The following SORT1 variants were observed in gnomAD, a reference collection of about 807,000 sequenced individuals.
SORT1 encodes the protein sortilin 1.
In SORT1, 39 loss-of-function variants were observed where a neutral mutation model predicts 101.7. The observed-to-expected ratio is 0.38, with a 90% confidence interval of 0.30 to 0.50. The LOEUF (loss-of-function observed/expected upper bound fraction) is 0.50. SORT1 is among the 20% of genes least tolerant of loss of function. The pLI is 0.90. For synonymous variants in SORT1, 396 were observed against 393.7 expected (o/e 1.01, Z -0.07); for missense variants, 878 against 1,040.4 (o/e 0.84, Z 2.15).
intron 15 of SORT1, among the ~76,000 whole-genome samples, chr1:109,322,290 T>C (rs940488523): frequency 6.6e-6 from 1 of 152,268 alleles, no homozygotes; most frequent in Admixed American, 6.5e-5. Context: ...CCACTTCTTT[T>C]GGTGTTTCTG....
chr1:109,378,698 TGATATATATATATATATA>T (rs1383159794), intron 1 of SORT1, among the ~76,000 whole-genome samples: 28 of 62,166 alleles, frequency 4.5e-4, no homozygotes, highest in African/African-American at 1.7e-3. Flanking sequence ...GTAGAGTGAA[TGATATATATATATATATA>T]TATATATATA....
chr1:109,391,685 A>G (rs377056569), intron 1 of SORT1, among the ~76,000 whole-genome samples: 3 of 152,186 alleles, frequency 2.0e-5, no homozygotes, highest in South Asian at 2.1e-4. Context: ...CATTCATTCA[A>G]CCAAACTATC....
intron 8 of SORT1, among the ~76,000 whole-genome samples, chr1:109,345,294 C>T (rs981093633): frequency 3.3e-5 from 5 of 152,128 alleles, no homozygotes; most frequent in Admixed American, 6.5e-5. Flanking sequence ...GCGGGGGGAT[C>T]ACCTGAGCTC....
chr1:109,321,153 G>A (rs181391655), intron 15 of SORT1, among the ~76,000 whole-genome samples: 7 of 152,064 alleles, frequency 4.6e-5, no homozygotes, highest in Admixed American at 1.3e-4. Context: ...TATTATTATC[G>A]AATAGAATAT....
rs762685151 is a variant in SORT1 at position 109,336,224 on chromosome 1, A to C, written c.1371+16T>G. ...GGAAAGGCTGCTGTGCTCTGCACAC[A>C]TTAGAGTAAACAAACCTCATTCTTG... On this transcript the variant is annotated intron_variant, in intron 11 of 19. Transcript: ENST00000256637. 2.0e-6 allele frequency: 3 copies of C among 1,519,678 alleles called. No homozygotes were observed. Among genetic ancestry groups the C allele is most frequent in the Non-Finnish European group, 2.7e-6 (3 of 1,093,530 alleles). 94.1% of individuals were successfully genotyped at this position (1,519,678 alleles called of 1,614,324 possible).
chr1:109,363,831 T>G (rs749049784), intron 3 of SORT1, among the ~76,000 whole-genome samples: 1 of 152,232 alleles, frequency 6.6e-6, no homozygotes, highest in African/African-American at 2.4e-5. Flanking sequence ...TTCAGCATAC[T>G]CAGGACCCAT....
chr1:109,319,813 G>C (rs1485380102), intron 15 of SORT1, among the ~76,000 whole-genome samples: 1 of 151,710 alleles, frequency 6.6e-6, no homozygotes, highest in African/African-American at 2.4e-5. Context: ...GTTGCAGTGA[G>C]CTGAGATCGC....
At chr1:109,376,118 G>A (rs1386216186) in intron 1 of SORT1, among the ~76,000 whole-genome samples, 1 of 152,128 alleles carries the variant, frequency 6.6e-6, no homozygotes, top group East Asian at 1.9e-4. Context: ...CGAGGCGGGC[G>A]GATCACGAGG....
chr1:109,392,478 G>T, intron 1 of SORT1: 1 of 336,810 alleles, frequency 3.0e-6, no homozygotes, highest in Non-Finnish European at 4.2e-6. Context: ...ATTAGAAATT[G>T]AACAGAACAT....
chr1:109,393,214 T>C (rs1653015605), intron 1 of SORT1: 22 of 985,422 alleles, frequency 2.2e-5, no homozygotes, highest in Non-Finnish European at 2.4e-5. Flanking sequence ...ACGGCCTCTC[T>C]ACAGGGCCTG....
At chr1:109,369,960 G>A (rs879772639) in intron 1 of SORT1, among the ~76,000 whole-genome samples, 12 of 152,176 alleles carry the variant, frequency 7.9e-5, no homozygotes, top group African/African-American at 7.2e-5. Flanking sequence ...ACTGGCAGGC[G>A]TAATTGTAAC....
intron 15 of SORT1, among the ~76,000 whole-genome samples, chr1:109,319,411 C>T (rs974116655): frequency 6.6e-6 from 1 of 152,326 alleles, no homozygotes; most frequent in Middle Eastern, 3.4e-3. Context: ...CAGCTGGCAG[C>T]GTCTCCTTAG....
At chr1:109,383,977 G>T (rs116363925) in intron 1 of SORT1, among the ~76,000 whole-genome samples, 6,702 of 152,212 alleles carry the variant, frequency 0.044, 203 homozygotes, top group Middle Eastern at 0.11. Flanking sequence ...AGCACAACCT[G>T]ACATCATTAC....
At chr1:109,360,958 G>T (rs1650687780) in intron 3 of SORT1, among the ~76,000 whole-genome samples, 2 of 152,192 alleles carry the variant, frequency 1.3e-5, no homozygotes, top group South Asian at 4.1e-4. Context: ...GTTCAAACTG[G>T]CAGTTTTCCT....
intron 9 of SORT1, among the ~76,000 whole-genome samples, chr1:109,341,128 G>T (rs1057176995): frequency 1.3e-5 from 2 of 152,158 alleles, no homozygotes; most frequent in Non-Finnish European, 2.9e-5. Context: ...AAATTAATCA[G>T]ATGCTACAGA....
At chr1:109,334,375 G>A (rs556298029) in intron 11 of SORT1, among the ~76,000 whole-genome samples, 1 of 152,292 alleles carries the variant, frequency 6.6e-6, no homozygotes, top group African/African-American at 2.4e-5. Context: ...AGGAAATCCT[G>A]TCATCTGTTG....
chr1:109,315,154 C>G (rs1658955898), intron 17 of SORT1, among the ~76,000 whole-genome samples: 1 of 152,146 alleles, frequency 6.6e-6, no homozygotes, highest in Non-Finnish European at 1.5e-5. Context: ...CTGAATGACT[C>G]TAGAACAGGG....
chr1:109,353,951 CAGTATG>C (rs1314724863), intron 5 of SORT1, among the ~76,000 whole-genome samples: 2 of 151,924 alleles, frequency 1.3e-5, no homozygotes, highest in African/African-American at 4.8e-5. Flanking sequence ...AGACAGAAAT[CAGTATG>C]TTTTATAAAC....
chr1:109,332,485 G>T (rs908567480), intron 11 of SORT1, among the ~76,000 whole-genome samples: 1 of 152,150 alleles, frequency 6.6e-6, no homozygotes, highest in Non-Finnish European at 1.5e-5. Context: ...TGGGAGGATT[G>T]TGTGAGCCTA....
Sources: gnomAD v4.1 joint callset for allele counts (sites outside exome capture counted in the v4.1 genomes callset) on GRCh38, gnomAD v4.1.1 for gene constraint, MANE v1.5 for transcripts, NCBI Gene and HGNC (gene_info 2026-07-23, HGNC 2026-07-21) for gene names.